PKP4: variants seen among roughly 807,000 people sequenced by gnomAD.
PKP4 encodes plakophilin 4, also known as plakophilin-4.
In PKP4, 90 loss-of-function variants were observed where a neutral mutation model predicts 145.1. That is an observed-to-expected ratio of 0.62 (90% CI 0.52 to 0.74). The LOEUF (loss-of-function observed/expected upper bound fraction) is 0.74, where lower values mean the gene tolerates loss of function less well. PKP4 is among the 30% of genes least tolerant of loss of function. PKP4 has a pLI of 0.00. For synonymous variants in PKP4, 563 were observed against 577.2 expected, an observed-to-expected ratio of 0.98 and a Z score of 0.35; for missense variants, 1,340 against 1,482.7, an observed-to-expected ratio of 0.90 and a Z score of 1.58.
chr2:158,511,098 C>G (rs958507910), intron 1 of PKP4, among the ~76,000 whole-genome samples: 1 of 152,154 alleles, frequency 6.6e-6, no homozygotes. Context: ...CCGAAACTCA[C>G]GTCAGGGGCT....
At chr2:158,503,933 A>G (rs1267040279) in intron 1 of PKP4, among the ~76,000 whole-genome samples, 1 of 141,860 alleles carries the variant, frequency 7.0e-6, no homozygotes, top group Non-Finnish European at 1.5e-5. Flanking sequence ...ATACTTTGAG[A>G]CTACTGTTTT....
intron 1 of PKP4, among the ~76,000 whole-genome samples, chr2:158,475,888 T>A (rs372498538): frequency 6.6e-6 from 1 of 152,216 alleles, no homozygotes; most frequent in South Asian, 2.1e-4. Flanking sequence ...CAGACTGTTA[T>A]GATTCACATA....
At chr2:158,612,196 A>G (rs1487856587) in intron 4 of PKP4, among the ~76,000 whole-genome samples, 1 of 152,126 alleles carries the variant, frequency 6.6e-6, no homozygotes, top group Admixed American at 6.5e-5. Flanking sequence ...GTTTGTATGT[A>G]TGTCTAAGTA....
chr2:158,626,294 A>G (rs2052778618), intron 7 of PKP4, among the ~76,000 whole-genome samples: 2 of 152,350 alleles, frequency 1.3e-5, no homozygotes, highest in Middle Eastern at 6.8e-3. Flanking sequence ...ATGGAATTCT[A>G]TCATATAGAT....
chr2:158,665,035 C>T (rs970845091), intron 15 of PKP4, among the ~76,000 whole-genome samples: 26 of 152,160 alleles, frequency 1.7e-4, no homozygotes, highest in Admixed American at 1.7e-3. Context: ...TGGCAAAGCT[C>T]ATTTAAAATA....
chr2:158,534,516 GA>G (rs945745620), intron 2 of PKP4, among the ~76,000 whole-genome samples: 1 of 152,108 alleles, frequency 6.6e-6, no homozygotes, highest in Non-Finnish European at 1.5e-5. Flanking sequence ...CTTTAGGAGA[GA>G]AAAAAGGACT....
At chr2:158,566,406 C>G (rs1046400199) in intron 2 of PKP4, among the ~76,000 whole-genome samples, 1 of 151,932 alleles carries the variant, frequency 6.6e-6, no homozygotes, top group Non-Finnish European at 1.5e-5. Context: ...TTATCATATA[C>G]TGTGTAGTCA....
chr2:158,639,622 A>G (rs1051333952), intron 9 of PKP4, among the ~76,000 whole-genome samples: 2 of 152,226 alleles, frequency 1.3e-5, no homozygotes, highest in East Asian at 1.9e-4. Context: ...TGCTTTTCAC[A>G]TAATATAAGC....
chr2:158,550,459 C>A (rs1421269219), intron 2 of PKP4, among the ~76,000 whole-genome samples: 1 of 152,158 alleles, frequency 6.6e-6, no homozygotes, highest in African/African-American at 2.4e-5. Context: ...TTCTGTAAAG[C>A]AGTTTTCAAA....
intron 1 of PKP4, among the ~76,000 whole-genome samples, chr2:158,467,855 A>C (rs927436362): frequency 6.6e-6 from 1 of 152,126 alleles, no homozygotes; most frequent in African/African-American, 2.4e-5. Flanking sequence ...TCCAAAAATA[A>C]AAAAATAAAA....
intron 1 of PKP4, among the ~76,000 whole-genome samples, chr2:158,496,928 A>G (rs1451580410): frequency 1.3e-5 from 2 of 152,140 alleles, no homozygotes; most frequent in Non-Finnish European, 2.9e-5. Context: ...TGCACTCTTG[A>G]TAAGTTGCCT....
chr2:158,495,367 A>G (rs1325288742), intron 1 of PKP4, among the ~76,000 whole-genome samples: 1 of 107,372 alleles, frequency 9.3e-6, no homozygotes, highest in African/African-American at 2.7e-5. Context: ...AAAAAAAAAC[A>G]ACAAAGCCCA....
chr2:158,596,965 T>C (rs1311057432), intron 3 of PKP4, among the ~76,000 whole-genome samples: 1 of 152,348 alleles, frequency 6.6e-6, no homozygotes, highest in East Asian at 1.9e-4. Context: ...CCAGTTGACC[T>C]TCTTTTCATA....
chr2:158,515,289 G>T (rs2041842178), intron 1 of PKP4, among the ~76,000 whole-genome samples: 1 of 152,036 alleles, frequency 6.6e-6, no homozygotes. Flanking sequence ...TTTTTTTCTG[G>T]AAAATCATTT....
chr2:158,593,663 C>T (rs746062047), intron 3 of PKP4, among the ~76,000 whole-genome samples: 5 of 152,140 alleles, frequency 3.3e-5, no homozygotes, highest in Non-Finnish European at 7.4e-5. Context: ...CATGTTTTTG[C>T]TGTGCATCAA....
chr2:158,492,009 A>G (rs1024068384), intron 1 of PKP4, among the ~76,000 whole-genome samples: 5 of 152,108 alleles, frequency 3.3e-5, no homozygotes, highest in Admixed American at 2.6e-4. Context: ...ATGTCTCGCT[A>G]TCTTGGCAGG....
At chr2:158,469,700 G>T (rs760813293) in intron 1 of PKP4, among the ~76,000 whole-genome samples, 1 of 152,132 alleles carries the variant, frequency 6.6e-6, no homozygotes, top group Non-Finnish European at 1.5e-5. Flanking sequence ...AGCTGAGAAG[G>T]TAAGTGTTGA....
rs1293552673 is a variant in PKP4 at position 158,596,947 on chromosome 2, T to C, written c.246-6123T>C. On this transcript the variant is annotated intron_variant, in intron 3 of 21. Transcript: ENST00000389759. The stretch of plus-strand genomic sequence containing the variant: ...CATGTTCAGATTCCTACCTGGGTGC[T>C]CCCAGTACCAGTTGACCTTCTTTTC... 2.6e-5 allele frequency among the ~76,000 whole-genome samples: 4 copies of C among 152,334 alleles called. No individual in the cohort carries two copies. The East Asian group carries it at 7.7e-4, about 29-fold the overall frequency.
intron 1 of PKP4, among the ~76,000 whole-genome samples, chr2:158,530,202 A>G (rs559387009): frequency 3.3e-5 from 5 of 152,278 alleles, no homozygotes; most frequent in African/African-American, 9.6e-5. Context: ...AGTTCTCACA[A>G]ATCACCTCTT....
Sources: gnomAD v4.1 joint callset for allele counts (sites outside exome capture counted in the v4.1 genomes callset) on GRCh38, gnomAD v4.1.1 for gene constraint, MANE v1.5 for transcripts, NCBI Gene and HGNC (gene_info 2026-07-23, HGNC 2026-07-21) for gene names.